Variants in RBBP8 observed in about 807,000 individuals in gnomAD.
RBBP8 encodes the protein DNA endonuclease RBBP8.
In RBBP8, 88 loss-of-function variants were observed where a neutral mutation model predicts 108.3. The observed-to-expected ratio is 0.81, with a 90% CI of 0.68 to 0.97. RBBP8 has a LOEUF of 0.97. Among genes scored for constraint, RBBP8 ranks in the 50% least tolerant of loss-of-function variants. The pLI is 0.00. For synonymous variants in RBBP8, 332 were observed against 348.2 expected (o/e 0.95, Z 0.52); for missense variants, 1,023 against 1,049.0 (o/e 0.98, Z 0.34).
intron 4 of RBBP8, chr18:22,950,169 T>A (rs1235780556): frequency 6.3e-6 from 1 of 159,404 alleles, no homozygotes. Flanking sequence ...CACAGACTTC[T>A]TTCTTTCCCA....
Position 22,993,835 on chromosome 18 carries a change from C to T in RBBP8, c.1927C>T (p.Gln643Ter), listed in dbSNP as rs1438224657. ...PCRTGKIKSL[Q>*]NNQDVSFENI... The stretch of plus-strand genomic sequence containing the variant: ...TAGAACTGGTAAAATAAAGTCTCTA[C>T]AAAACAACCAAGGTGTGTACACCAT... Residue 643 changes from glutamine (Q) to a stop codon, truncating the protein, a stop_gained, in exon 12 of 19, where the codon CAA (glutamine) becomes TAA (stop). Coordinates refer to ENST00000327155, the MANE Select transcript of RBBP8 (RefSeq NM_002894.3). LOFTEE classifies it high-confidence loss of function. The T allele has an allele frequency of 2.5e-6, 4 of 1,612,980 alleles. No homozygotes were observed. The highest frequency in any genetic ancestry group is 3.4e-6 in the Non-Finnish European group (4 of 1,179,234).
chr18:22,990,741 A>G lies in RBBP8; in HGVS notation c.808-196A>G, dbSNP rs62095210. On this transcript the variant is annotated intron_variant, in intron 9 of 18. Transcript: ENST00000327155. ...CACTTGCATCCTCTGGCAACTTCCA[A>G]TCTGCTTTCTGTCCCTAGAGATTTA... 0.16 allele frequency among the ~76,000 whole-genome samples: 24,492 copies of G among 152,004 alleles called. 2,445 individuals are homozygous for G. The highest frequency in any genetic ancestry group is 0.29 in the African/African-American group (11,928 of 41,412).
intron 4 of RBBP8, among the ~76,000 whole-genome samples, chr18:22,950,874 A>C (rs1911976995): frequency 6.6e-6 from 1 of 152,234 alleles, no homozygotes; most frequent in African/African-American, 2.4e-5. Context: ...ATTGCACTCC[A>C]GCCTGTGTAA....
At chr18:23,016,172 G>A (rs929833346) in intron 16 of RBBP8, among the ~76,000 whole-genome samples, 3 of 152,056 alleles carry the variant, frequency 2.0e-5, no homozygotes, top group African/African-American at 7.2e-5. Flanking sequence ...ATCCAGCTTT[G>A]TTCTTTTTTG....
chr18:23,026,083 T>G, intron 18 of RBBP8, 60 bp from the exon 19 acceptor site: 3 of 1,300,480 alleles, frequency 2.3e-6, no homozygotes, highest in Non-Finnish European at 3.3e-6. Context: ...TTACTAGATA[T>G]AAGCTGAAAG....
chr18:22,968,860 A>T lies in RBBP8; in HGVS notation c.303A>T (p.Lys101Asn). The change falls in exon 5 of 19, where the codon AAA becomes AAT. Residue 101 changes from lysine to asparagine, a missense_variant. By Grantham distance (94) the Lys-to-Asn change is moderately conservative (BLOSUM62 0). Coordinates refer to ENST00000327155, the MANE Select transcript of RBBP8 (RefSeq NM_002894.3). ...CAGTAACTGAAGAACATATGCGGAA[A>T]AAACAGCAAGAGTTTGAAAATATCC... is the stretch of plus-strand genomic sequence containing the variant. ...RCAVTEEHMRKKQQEFENIRQ... is the reference protein window; with the variant it reads ...RCAVTEEHMRNKQQEFENIRQ... 1 of 1,613,680 alleles carries T rather than the reference A, an allele frequency of 6.2e-7. No homozygotes were observed. Among genetic ancestry groups the T allele is most frequent in the East Asian group, 2.2e-5 (1 of 44,772 alleles).
chr18:22,940,249 T>C (rs1317416633), intron 2 of RBBP8, among the ~76,000 whole-genome samples: 1 of 152,036 alleles, frequency 6.6e-6, no homozygotes, highest in East Asian at 1.9e-4. Context: ...TTATATAGTA[T>C]TGACATCTTA....
chr18:22,925,898 A>T (rs1355714210), intron 3 of RBBP8, among the ~76,000 whole-genome samples: 1 of 152,170 alleles, frequency 6.6e-6, no homozygotes, highest in Non-Finnish European at 1.5e-5. Context: ...AATAAAATAA[A>T]CTTTTTTACT....
In RBBP8 at chr18:22,989,282, T is replaced by G; in HGVS notation, c.771T>G (p.Val257=). The G allele has an allele frequency of 6.2e-7, 1 of 1,610,926 alleles. No individual in the cohort carries two copies. Among genetic ancestry groups the G allele is most frequent in the Non-Finnish European group, 8.5e-7 (1 of 1,177,374 alleles). The change falls in exon 9 of 19, where the codon GTT becomes GTG. Residue 257 remains valine, a synonymous_variant. Coordinates refer to ENST00000327155, the MANE Select transcript of RBBP8 (RefSeq NM_002894.3). The stretch of plus-strand genomic sequence containing the variant: ...CATCTTTTAATTTAGCTACAGTTGT[T>G]GCTGAAACACTTGGACTTGGTGTTC... ...DKSSFNLATV[V]AETLGLGVQE...
intron 8 of RBBP8, among the ~76,000 whole-genome samples, chr18:22,987,301 G>A (rs1915396025): frequency 6.6e-6 from 1 of 152,098 alleles, no homozygotes; most frequent in Admixed American, 6.6e-5. Flanking sequence ...GGGGAAGGTA[G>A]GGAGGGAGAC....
chr18:22,930,925 C>T (rs1474462696), upstream of RBBP8, among the ~76,000 whole-genome samples: 1 of 152,062 alleles, frequency 6.6e-6, no homozygotes, highest in Non-Finnish European at 1.5e-5. Context: ...GCACGAACCA[C>T]TGTGTCCAGC....
intron 8 of RBBP8, among the ~76,000 whole-genome samples, chr18:22,987,318 G>A (rs1430301465): frequency 6.6e-5 from 10 of 152,058 alleles, no homozygotes; most frequent in Admixed American, 6.6e-4. Flanking sequence ...AGACTTACAG[G>A]GATTGAAGAG....
Position 22,993,530 on chromosome 18 carries a change from C to T in RBBP8, c.1703C>T (p.Ser568Phe), listed in dbSNP as rs752427343. 4 of 1,613,412 alleles carry T rather than the reference C, an allele frequency of 2.5e-6. No homozygotes were observed. The highest frequency in any genetic ancestry group is 3.4e-6 in the Non-Finnish European group (4 of 1,179,830). Residue 568 changes from serine (S) to phenylalanine (F), a missense_variant, in exon 11 of 19, where the codon TCT becomes TTT. Coordinates refer to ENST00000327155, the MANE Select transcript of RBBP8 (RefSeq NM_002894.3). ...CIILQPLNKC[S>F]PDNKPSLQIK... Reference sequence around the variant, plus strand: ...ATCCTTCAGCCCTTGAATAAATGCTCTCCAGACAATAAACCATCATTACAA... The same window carrying T: ...ATCCTTCAGCCCTTGAATAAATGCTTTCCAGACAATAAACCATCATTACAA...
chr18:22,954,927 G>T (rs1032108907), intron 4 of RBBP8, among the ~76,000 whole-genome samples: 2 of 152,112 alleles, frequency 1.3e-5, no homozygotes, highest in Non-Finnish European at 2.9e-5. Context: ...CCATGATTCA[G>T]TTACCTCCTA....
chr18:22,925,361 A>G (rs1049495967), intron 3 of RBBP8, among the ~76,000 whole-genome samples: 1 of 152,236 alleles, frequency 6.6e-6, no homozygotes, highest in Admixed American at 6.5e-5. Flanking sequence ...TGAACATAAA[A>G]CATTTTTAAA....
chr18:22,919,111 A>G (rs985729584), intron 3 of RBBP8, among the ~76,000 whole-genome samples: 1 of 152,264 alleles, frequency 6.6e-6, no homozygotes, highest in Non-Finnish European at 1.5e-5. Context: ...ATAATATTAA[A>G]TTAGTCTTAG....
intron 4 of RBBP8, among the ~76,000 whole-genome samples, chr18:22,953,486 A>G (rs1912216162): frequency 6.6e-6 from 1 of 152,212 alleles, no homozygotes; most frequent in African/African-American, 2.4e-5. Flanking sequence ...GCTTAATACA[A>G]TTGGCTCTCC....
chr18:23,022,647 A>AAAATAAATAAAATG (rs2046378233), intron 18 of RBBP8, among the ~76,000 whole-genome samples: 2 of 30,898 alleles, frequency 6.5e-5, no homozygotes, highest in Non-Finnish European at 9.2e-5. Context: ...TAAATAAAAT[A>AAAATAAATAAAATG]CAATATAAAA....
intron 17 of RBBP8, 84 bp from the exon 18 acceptor site, chr18:23,022,042 CTTT>C (rs2046353423): frequency 3.6e-6 from 4 of 1,125,876 alleles, no homozygotes; most frequent in Non-Finnish European, 5.4e-6. Flanking sequence ...TAGTAAATGG[CTTT>C]TTTAGCTTCT....
Sources: allele counts gnomAD v4.1 joint callset (sites outside exome capture counted in the v4.1 genomes callset), GRCh38; gene constraint gnomAD v4.1.1; transcripts MANE v1.5; gene names NCBI Gene and HGNC (gene_info 2026-07-23, HGNC 2026-07-21).